The following CCSER1 variants were observed in gnomAD, a reference collection of about 807,000 sequenced individuals.
The protein encoded by CCSER1 is coiled-coil serine rich protein 1.
Under a neutral mutation model 82.0 loss-of-function variants are expected in CCSER1, and 41 were observed. The observed-to-expected ratio is 0.50, with a 90% CI of 0.39 to 0.65. The LOEUF is 0.65. Among genes scored for constraint, CCSER1 ranks in the 30% least tolerant of loss-of-function variants. The pLI is 0.00. For missense variants in CCSER1, 1,119 were observed against 1,064.2 expected, an observed-to-expected ratio of 1.05 and a Z score of -0.72; for synonymous variants, 414 against 383.9, an observed-to-expected ratio of 1.08 and a Z score of -0.92.
chr4:90,321,559 T>G (rs535954142), intron 3 of CCSER1, among the ~76,000 whole-genome samples: 153 of 149,918 alleles, frequency 1.0e-3, no homozygotes, highest in African/African-American at 3.7e-3. Context: ...TATTAATTTC[T>G]TTTTTCCGAG....
chr4:90,948,881 C>T (rs867191927), intron 9 of CCSER1, among the ~76,000 whole-genome samples: 2 of 151,792 alleles, frequency 1.3e-5, no homozygotes, highest in Admixed American at 6.6e-5. Flanking sequence ...GGCTATGAAC[C>T]ATATAATACC....
intron 9 of CCSER1, among the ~76,000 whole-genome samples, chr4:91,035,843 C>T (rs1468417124): frequency 1.3e-5 from 2 of 152,146 alleles, no homozygotes; most frequent in East Asian, 3.9e-4. Context: ...ACAACTCACT[C>T]CTAAAACGCC....
At chr4:91,550,909 C>T (rs979821198) in intron 10 of CCSER1, among the ~76,000 whole-genome samples, 7 of 152,234 alleles carry the variant, frequency 4.6e-5, no homozygotes, top group Non-Finnish European at 4.4e-5. Context: ...ACAAAACTAA[C>T]TTGAGCATTT....
At chr4:90,300,207 T>A (rs975777992) in intron 1 of CCSER1, among the ~76,000 whole-genome samples, 2 of 152,314 alleles carry the variant, frequency 1.3e-5, no homozygotes, top group South Asian at 4.1e-4. Context: ...GTCAGACTAC[T>A]GATCTCACAT....
intron 7 of CCSER1, among the ~76,000 whole-genome samples, chr4:90,752,107 T>G (rs1310355640): frequency 6.6e-6 from 1 of 152,118 alleles, no homozygotes; most frequent in Non-Finnish European, 1.5e-5. Flanking sequence ...ACATTTTAAT[T>G]TGTTTTACAT....
chr4:91,349,995 A>G (rs185310243), intron 10 of CCSER1, among the ~76,000 whole-genome samples: 1 of 152,132 alleles, frequency 6.6e-6, no homozygotes, highest in East Asian at 1.9e-4. Context: ...CACTTCTCTG[A>G]TGTATCTAAG....
rs145184043 is a variant in CCSER1 at position 90,865,083 on chromosome 4, C to A, written c.2094+49238C>A. Among the ~76,000 whole-genome samples the A allele has an allele frequency of 4.2e-3, 638 of 152,020 alleles. 8 individuals carry two copies. The highest frequency in any genetic ancestry group is 0.015 in the African/African-American group (610 of 41,524). Reference sequence around the variant, plus strand: ...TTCATTTTGGTGAATCCAATATATTCTTTTCCTTGTCAGTTGACTATTTTA... The same window carrying A: ...TTCATTTTGGTGAATCCAATATATTATTTTCCTTGTCAGTTGACTATTTTA... On this transcript the variant is annotated intron_variant, in intron 8 of 10. Coordinates refer to ENST00000509176, the MANE Select transcript of CCSER1 (RefSeq NM_001145065.2).
intron 8 of CCSER1, among the ~76,000 whole-genome samples, chr4:90,898,476 C>T (rs1283444903): frequency 4.1e-5 from 6 of 147,082 alleles, no homozygotes; most frequent in Admixed American, 1.4e-4. Flanking sequence ...TTAGTAGAGA[C>T]GGGGTTTCAC....
At chr4:90,729,645 G>T (rs1008197471) in intron 7 of CCSER1, among the ~76,000 whole-genome samples, 1 of 152,148 alleles carries the variant, frequency 6.6e-6, no homozygotes, top group Non-Finnish European at 1.5e-5. Context: ...GGAGGCTGAG[G>T]CGGTTGGATC....
intron 5 of CCSER1, among the ~76,000 whole-genome samples, chr4:90,494,967 A>C (rs1768747998): frequency 6.6e-6 from 1 of 151,918 alleles, no homozygotes; most frequent in Admixed American, 6.6e-5. Context: ...TTGCCTGGGC[A>C]CCTGATTTCT....
At chr4:90,999,220 T>A (rs1247060030) in intron 9 of CCSER1, among the ~76,000 whole-genome samples, 1 of 152,164 alleles carries the variant, frequency 6.6e-6, no homozygotes, top group African/African-American at 2.4e-5. Context: ...ACGGTAGAAC[T>A]ATTTGTTTAC....
At chr4:91,445,631 A>G (rs1242420419) in intron 10 of CCSER1, among the ~76,000 whole-genome samples, 1 of 152,064 alleles carries the variant, frequency 6.6e-6, no homozygotes, top group Non-Finnish European at 1.5e-5. Context: ...CTTTACATCC[A>G]ATCTATTTGT....
chr4:90,690,734 C>T (rs114699468), intron 6 of CCSER1, among the ~76,000 whole-genome samples: 375 of 152,090 alleles, frequency 2.5e-3, no homozygotes, highest in African/African-American at 8.6e-3. Context: ...CTTATTGCCT[C>T]CTTAATTTTT....
intron 10 of CCSER1, among the ~76,000 whole-genome samples, chr4:91,399,711 T>C (rs1752204757): frequency 6.6e-6 from 1 of 151,958 alleles, no homozygotes. Flanking sequence ...GTAGCCTTAG[T>C]TTTATTTTTC....
intron 10 of CCSER1, among the ~76,000 whole-genome samples, chr4:91,448,536 G>A (rs1317981144): frequency 2.0e-5 from 3 of 152,014 alleles, no homozygotes; most frequent in African/African-American, 4.8e-5. Flanking sequence ...AGATAGAGTT[G>A]CTTATTTTGA....
At chr4:90,477,127 A>G (rs918287102) in intron 5 of CCSER1, among the ~76,000 whole-genome samples, 2 of 152,160 alleles carry the variant, frequency 1.3e-5, no homozygotes, top group East Asian at 3.8e-4. Context: ...AATATATAAG[A>G]TATTTTATTT....
rs1456713158 is a variant in CCSER1, at chr4:90,271,881, T to A, written c.-41-36363T>A. Among the ~76,000 whole-genome samples, 89 of 110,266 alleles carry A rather than the reference T, an allele frequency of 8.1e-4. 1 individual carries two copies. Among genetic ancestry groups the A allele is most frequent in the African/African-American group, 3.3e-3 (87 of 26,344 alleles). The allele number at this position is 110,266 out of a possible 152,430, so 72.3% of individuals were successfully genotyped here. A position where few individuals can be genotyped will look rare whatever the true frequency, so the allele number is the denominator to read the frequency against. On this transcript the variant is annotated intron_variant, in intron 1 of 10. Coordinates refer to ENST00000509176, the MANE Select transcript of CCSER1 (RefSeq NM_001145065.2). ...ATATATATTTTTTTTTTTTTTTTTT[T>A]TTTTTTTTTAAAAGGAGGTTTAATT... is the stretch of plus-strand genomic sequence containing the variant.
intron 10 of CCSER1, among the ~76,000 whole-genome samples, chr4:91,289,960 G>A (rs2149217214): frequency 6.6e-6 from 1 of 152,124 alleles, no homozygotes; most frequent in African/African-American, 2.4e-5. Context: ...GAAAAAGTCT[G>A]AAGGTAATCT....
At chr4:90,715,673 C>T (rs991854) in intron 6 of CCSER1, among the ~76,000 whole-genome samples, 34,500 of 151,786 alleles carry the variant, frequency 0.23, 4,945 homozygotes, top group African/African-American at 0.4. Context: ...TGTTTACCTT[C>T]GGATCTGTAC....
Sources: gnomAD v4.1 joint callset for allele counts (sites outside exome capture counted in the v4.1 genomes callset) on GRCh38, gnomAD v4.1.1 for gene constraint, MANE v1.5 for transcripts, NCBI Gene and HGNC (gene_info 2026-07-23, HGNC 2026-07-21) for gene names.